The following SP100 variants were observed in gnomAD, a reference collection of about 807,000 sequenced individuals.
SP100 encodes the protein SP100 nuclear body protein.
A neutral mutation model predicts 130.0 loss-of-function variants in SP100; 84 were observed. The ratio of observed to expected loss-of-function variants is 0.65; its 90% confidence interval spans 0.54 to 0.77. The LOEUF (loss-of-function observed/expected upper bound fraction) is 0.77. Ranked by LOEUF, SP100 falls within the 30% of genes least tolerant of loss-of-function variation. The pLI, the probability that SP100 is intolerant of heterozygous loss-of-function variation, is 0.00. For missense variants in SP100, 978 were observed against 1,052.2 expected, an observed-to-expected ratio of 0.93 and a Z score of 0.97; for synonymous variants, 331 against 351.7, an observed-to-expected ratio of 0.94 and a Z score of 0.66.
At chr2:230,486,730 C>A (rs986296583) in intron 17 of SP100, among the ~76,000 whole-genome samples, 1 of 152,180 alleles carries the variant, frequency 6.6e-6, no homozygotes, top group African/African-American at 2.4e-5. Context: ...ATTTCTGGTT[C>A]CAGATCCTTG....
At chr2:230,445,175 T>C (rs1361698908) in intron 4 of SP100, among the ~76,000 whole-genome samples, 1 of 152,204 alleles carries the variant, frequency 6.6e-6, no homozygotes, top group Non-Finnish European at 1.5e-5. Flanking sequence ...GAATGCATAA[T>C]TTATACTATT....
At chr2:230,473,675 C>T (rs1454681851) in intron 16 of SP100, among the ~76,000 whole-genome samples, 5 of 152,066 alleles carry the variant, frequency 3.3e-5, no homozygotes, top group Non-Finnish European at 7.4e-5. Context: ...GGTTTGGTGC[C>T]GCCAGAATCC....
chr2:230,485,007 ACAGCCT>A (rs2066001221), intron 17 of SP100, among the ~76,000 whole-genome samples: 4 of 152,100 alleles, frequency 2.6e-5, no homozygotes, highest in Admixed American at 2.6e-4. Context: ...ATAGGTCACT[ACAGCCT>A]TGAACTCCTC....
At chr2:230,486,927 A>G (rs1278750607) in intron 17 of SP100, among the ~76,000 whole-genome samples, 2 of 152,180 alleles carry the variant, frequency 1.3e-5, no homozygotes, top group East Asian at 3.8e-4. Flanking sequence ...TCTAATGTTC[A>G]GTGATGTTGA....
chr2:230,474,293 T>C (rs2065423762), intron 16 of SP100, 101 bp from the exon 17 acceptor site: 5 of 686,650 alleles, frequency 7.3e-6, no homozygotes, highest in Non-Finnish European at 1.3e-5. Context: ...ACTCAGAATA[T>C]TGTTATAAAC....
intron 23 of SP100, 92 bp downstream of exon 23, chr2:230,508,123 A>G: frequency 6.5e-7 from 1 of 1,546,248 alleles, no homozygotes; most frequent in Non-Finnish European, 8.7e-7. Context: ...TTGACCCATC[A>G]TCATAAAATT....
At chr2:230,523,341 T>A (rs1378445829) in intron 24 of SP100, among the ~76,000 whole-genome samples, 7 of 152,192 alleles carry the variant, frequency 4.6e-5, no homozygotes, top group Admixed American at 4.6e-4. Context: ...CTTTATTATG[T>A]TATATGTTAT....
chr2:230,433,599 A>G (rs187874354), intron 2 of SP100, among the ~76,000 whole-genome samples: 51 of 152,180 alleles, frequency 3.4e-4, no homozygotes, highest in Admixed American at 1.1e-3. Context: ...ACCATGTTAA[A>G]CATATTGAGT....
At chr2:230,440,661 TC>T in intron 2 of SP100, 1 of 1,113,218 alleles carries the variant, frequency 9.0e-7, no homozygotes, top group Non-Finnish European at 1.2e-6. Flanking sequence ...CAAAAAAAAG[TC>T]CTAAAGTTTT....
chr2:230,450,352 C>A (rs2063914241), intron 8 of SP100, 97 bp downstream of exon 8: 2 of 803,460 alleles, frequency 2.5e-6, no homozygotes, highest in Middle Eastern at 2.3e-4. Flanking sequence ...ACCATCGTAA[C>A]CACTTTTTAA....
chr2:230,442,592 C>T (rs2063513266), intron 2 of SP100, among the ~76,000 whole-genome samples: 1 of 151,928 alleles, frequency 6.6e-6, no homozygotes, highest in African/African-American at 2.4e-5. Context: ...CATTGTTTTT[C>T]ATTTCTCTGT....
At chr2:230,450,679 A>G (rs1343252357) in intron 8 of SP100, among the ~76,000 whole-genome samples, 2 of 152,154 alleles carry the variant, frequency 1.3e-5, no homozygotes, top group African/African-American at 2.4e-5. Flanking sequence ...CTCAACTTCT[A>G]TAAATTCATC....
intron 18 of SP100, among the ~76,000 whole-genome samples, chr2:230,494,718 A>G (rs1234354902): frequency 1.3e-5 from 2 of 152,176 alleles, no homozygotes; most frequent in African/African-American, 4.8e-5. Context: ...GTGGGTCCAC[A>G]AGGGCTGAGC....
intron 24 of SP100, among the ~76,000 whole-genome samples, chr2:230,521,394 A>G (rs1691163089): frequency 6.6e-6 from 1 of 152,198 alleles, no homozygotes; most frequent in Admixed American, 6.5e-5. Context: ...TGGACAATGC[A>G]ACCCAGGTAA....
rs1290817546 is a variant in SP100, at chr2:230,467,143, T to A, written c.1219T>A (p.Ser407Thr). ...AGTGATAGGACAAGACCACGACTTT[T>A]CAGAATCCAGTGAGGAGGAGGCGCC... The part of the protein sequence containing the change: ...KRVIGQDHDF[S>T]ESSEEEAPAE... The change falls in exon 13 of 29, where the codon TCA (serine) becomes ACA (threonine). Residue 407 changes from serine (S) to threonine (T), a missense_variant. By Grantham distance (58) the Ser-to-Thr change is moderately conservative (BLOSUM62 1). Transcript: ENST00000340126. 1 of 1,613,878 alleles carries A rather than the reference T, an allele frequency of 6.2e-7. No individual in the cohort carries two copies. The highest frequency in any genetic ancestry group is 8.5e-7 in the Non-Finnish European group (1 of 1,179,818).
Position 230,506,294 on chromosome 2 carries a change from G to C in SP100, c.1871-9G>C. The C allele has an allele frequency of 6.2e-7, 1 of 1,613,450 alleles. No homozygotes were observed. Among genetic ancestry groups the C allele is most frequent in the East Asian group, 2.2e-5 (1 of 44,872 alleles). ...CAGTTGGGGAGCTCACTTTGCCTTG[G>C]TCTTACAGGAACCTCAAAGAAGTGT... On this transcript the variant is annotated splice_polypyrimidine_tract_variant and intron_variant, in intron 21 of 28. Coordinates refer to ENST00000340126, the MANE Select transcript of SP100 (RefSeq NM_001080391.2).
intron 9 of SP100, 90 bp downstream of exon 9, chr2:230,461,504 CA>C: frequency 7.5e-7 from 1 of 1,331,834 alleles, no homozygotes; most frequent in Non-Finnish European, 1.1e-6. Context: ...CGGGGCAGTG[CA>C]GGTAGCCTGG....
chr2:230,508,157 G>A, intron 23 of SP100, 126 bp downstream of exon 23: 6 of 1,470,888 alleles, frequency 4.1e-6, no homozygotes, highest in South Asian at 1.4e-5. Flanking sequence ...TGATGCTTTT[G>A]CAGTTGCTGC....
intron 22 of SP100, 59 bp downstream of exon 22, chr2:230,506,504 A>G: frequency 6.4e-7 from 1 of 1,565,940 alleles, no homozygotes; most frequent in Non-Finnish European, 8.7e-7. Context: ...CACTAACACC[A>G]AGCTTTAGCA....
Sources: allele counts gnomAD v4.1 joint callset (sites outside exome capture counted in the v4.1 genomes callset), GRCh38; gene constraint gnomAD v4.1.1; transcripts MANE v1.5; gene names NCBI Gene and HGNC (gene_info 2026-07-23, HGNC 2026-07-21).